The following PRR16 variants were observed in gnomAD, a reference collection of about 807,000 sequenced individuals.
The protein encoded by PRR16 is protein Largen.
PRR16 carries 6 observed loss-of-function variants against 18.2 expected under a neutral mutation model. That is an observed-to-expected ratio of 0.33 (90% CI 0.18 to 0.65). PRR16 has a LOEUF of 0.65. Ranked by LOEUF, PRR16 falls within the 30% of genes least tolerant of loss-of-function variation. The probability of loss-of-function intolerance (pLI) is 0.74; values close to 1 mark genes in which losing one functional copy is unlikely to be tolerated. For missense variants in PRR16, 412 were observed against 376.6 expected, an observed-to-expected ratio of 1.09 and a Z score of -0.78; for synonymous variants, 151 against 147.8, an observed-to-expected ratio of 1.02 and a Z score of -0.16.
intron 1 of PRR16, among the ~76,000 whole-genome samples, chr5:120,530,163 T>C (rs1481929479): frequency 6.8e-6 from 1 of 147,372 alleles, no homozygotes; most frequent in Non-Finnish European, 1.5e-5. Flanking sequence ...TATATGTGTG[T>C]GTGTATATAT....
chr5:120,651,773 G>C (rs2150132003), intron 1 of PRR16, among the ~76,000 whole-genome samples: 1 of 152,238 alleles, frequency 6.6e-6, no homozygotes, highest in East Asian at 1.9e-4. Context: ...GATTCCTCCA[G>C]CTTTGTTCTT....
chr5:120,479,028 A>C (rs544955392), intron 1 of PRR16, among the ~76,000 whole-genome samples: 3 of 152,272 alleles, frequency 2.0e-5, no homozygotes, highest in African/African-American at 7.2e-5. Context: ...CCGAGAAATT[A>C]GGTAATATCA....
chr5:120,583,297 T>A (rs1753333363), intron 1 of PRR16, among the ~76,000 whole-genome samples: 1 of 147,900 alleles, frequency 6.8e-6, no homozygotes, highest in African/African-American at 2.5e-5. Flanking sequence ...CACATTTTAA[T>A]GGGTAATACA....
intron 1 of PRR16, among the ~76,000 whole-genome samples, chr5:120,526,430 A>G (rs557649981): frequency 5.5e-4 from 83 of 152,262 alleles, no homozygotes; most frequent in African/African-American, 1.8e-3. Context: ...TGAATTTGGA[A>G]TACATTTCTG....
chr5:120,742,665 C>A, the PRR16 span, among the ~76,000 whole-genome samples: 4 of 152,106 alleles, frequency 2.6e-5, no homozygotes, highest in Admixed American at 1.3e-4. Flanking sequence ...TTCTTTCTAT[C>A]TGTATTTGTT....
intron 1 of PRR16, among the ~76,000 whole-genome samples, chr5:120,491,187 A>G (rs1390103623): frequency 2.0e-5 from 3 of 152,182 alleles, no homozygotes; most frequent in Non-Finnish European, 4.4e-5. Context: ...TCTGTCAGAC[A>G]GGGACATTTC....
the PRR16 span, among the ~76,000 whole-genome samples, chr5:120,701,483 C>T: frequency 1.3e-5 from 2 of 152,072 alleles, no homozygotes; most frequent in South Asian, 2.1e-4. Flanking sequence ...TTAGCTCCAG[C>T]CACCTTTTTA....
intron 1 of PRR16, among the ~76,000 whole-genome samples, chr5:120,668,260 G>T (rs1229755045): frequency 1.3e-5 from 2 of 151,140 alleles, no homozygotes; most frequent in Non-Finnish European, 2.9e-5. Context: ...TGTTTTATCA[G>T]AGACTAGGAT....
intron 1 of PRR16, among the ~76,000 whole-genome samples, chr5:120,662,207 A>G (rs1450881974): frequency 6.6e-6 from 1 of 152,110 alleles, no homozygotes; most frequent in African/African-American, 2.4e-5. Context: ...AACATTTTAA[A>G]ATAGTTTCTT....
Position 120,478,542 on chromosome 5 carries a change from C to G in PRR16, c.159+13897C>G, listed in dbSNP as rs193217200. Among the ~76,000 whole-genome samples, 69 of 152,148 alleles carry G rather than the reference C, an allele frequency of 4.5e-4. No homozygotes were observed. The East Asian group carries it at 0.013, about 28-fold the overall frequency. On this transcript the variant is annotated intron_variant, in intron 1 of 1. Coordinates refer to ENST00000407149, the MANE Select transcript of PRR16 (RefSeq NM_001300783.2). ...ATATTAACTCATGAAGTCCTGACAC[C>G]TCTCACCTCCCAACCAGTGGCTCCC...
rs1024904465 is a variant in PRR16, at chr5:120,498,699, G to A, written c.159+34054G>A. On this transcript the variant is annotated intron_variant, in intron 1 of 1. Coordinates refer to ENST00000407149, the MANE Select transcript of PRR16 (RefSeq NM_001300783.2). ...TTTAGTCATTCTTTTAGGAAAGGTC[G>A]TCTAGTGACCAGTTCTCTTATTTTT... 5.3e-5 allele frequency among the ~76,000 whole-genome samples: 8 copies of A among 151,446 alleles called. 1 individual carries two copies. Among genetic ancestry groups the A allele is most frequent in the Non-Finnish European group, 5.9e-5 (4 of 67,840 alleles).
chr5:120,537,650 T>C (rs746406172), intron 1 of PRR16, among the ~76,000 whole-genome samples: 7 of 147,584 alleles, frequency 4.7e-5, no homozygotes, highest in Non-Finnish European at 1.0e-4. Context: ...ATGACTGAAG[T>C]TAAAGTGCTA....
chr5:120,711,852 G>T, the PRR16 span, among the ~76,000 whole-genome samples: 1 of 152,138 alleles, frequency 6.6e-6, no homozygotes, highest in African/African-American at 2.4e-5. Flanking sequence ...GAGGGATACG[G>T]GATTTACAGA....
chr5:120,652,898 G>T (rs1481171639), intron 1 of PRR16, among the ~76,000 whole-genome samples: 1 of 151,550 alleles, frequency 6.6e-6, no homozygotes, highest in Admixed American at 6.6e-5. Context: ...CTGAGTGAAG[G>T]GTGTATGTTA....
the PRR16 span, among the ~76,000 whole-genome samples, chr5:120,769,026 C>T: frequency 6.6e-6 from 1 of 151,666 alleles, no homozygotes; most frequent in South Asian, 2.1e-4. Flanking sequence ...TGTACCTGAT[C>T]TACAAAATAA....
chr5:120,595,217 A>G (rs758571098), intron 1 of PRR16, among the ~76,000 whole-genome samples: 8 of 151,978 alleles, frequency 5.3e-5, no homozygotes, highest in East Asian at 1.9e-4. Context: ...TCCAAAATCT[A>G]TAAGAAACTT....
chr5:120,651,886 G>A (rs1318876159), intron 1 of PRR16, among the ~76,000 whole-genome samples: 2 of 152,016 alleles, frequency 1.3e-5, no homozygotes, highest in Non-Finnish European at 2.9e-5. Flanking sequence ...GTAGCTTGAT[G>A]GGGATGGCAT....
At chr5:120,756,301 G>C in the PRR16 span, among the ~76,000 whole-genome samples, 1 of 152,048 alleles carries the variant, frequency 6.6e-6, no homozygotes, top group African/African-American at 2.4e-5. Flanking sequence ...TGGGAAGTTG[G>C]AATTTTCCTT....
At chr5:120,491,834 G>GT (rs1750062109) in intron 1 of PRR16, among the ~76,000 whole-genome samples, 2 of 152,238 alleles carry the variant, frequency 1.3e-5, no homozygotes, top group African/African-American at 4.8e-5. Flanking sequence ...GTGATCCACT[G>GT]TGCCCAGCTG....
Sources: allele counts gnomAD v4.1 joint callset (sites outside exome capture counted in the v4.1 genomes callset), GRCh38; gene constraint gnomAD v4.1.1; transcripts MANE v1.5; gene names NCBI Gene and HGNC (gene_info 2026-07-23, HGNC 2026-07-21).